SMCO2: variants seen among roughly 807,000 people sequenced by gnomAD.
SMCO2 encodes single-pass membrane protein with coiled-coil domains 2.
Under a neutral mutation model 29.5 loss-of-function variants are expected in SMCO2, and 25 were observed. That is an observed-to-expected ratio of 0.85 (90% CI 0.62 to 1.18). The LOEUF is 1.18. Among genes scored for constraint, SMCO2 ranks in the 50% most tolerant of loss-of-function variants. The pLI is 0.00. For synonymous variants in SMCO2, 117 were observed against 123.3 expected (o/e 0.95, Z 0.34); for missense variants, 348 against 344.5 (o/e 1.01, Z -0.08).
the SMCO2 span, among the ~76,000 whole-genome samples, chr12:27,459,491 G>A: frequency 6.6e-6 from 1 of 152,144 alleles, no homozygotes; most frequent in Non-Finnish European, 1.5e-5. Context: ...TGGGAAGAAG[G>A]TGGGGATCAA....
intron 5 of SMCO2, among the ~76,000 whole-genome samples, chr12:27,488,769 C>A (rs371572): frequency 0.12 from 18,661 of 152,086 alleles, 2,211 homozygotes; most frequent in African/African-American, 0.29. Flanking sequence ...TCGGCTACCA[C>A]GAAACTCTAT....
At chr12:27,465,257 T>G (rs1380359324), upstream of SMCO2, among the ~76,000 whole-genome samples, 1 of 152,150 alleles carries the variant, frequency 6.6e-6, no homozygotes, top group African/African-American at 2.4e-5. Context: ...TGTAAAACAC[T>G]TGGGAGACTG....
chr12:27,481,509 G>A (rs1050486855), intron 4 of SMCO2, among the ~76,000 whole-genome samples: 5 of 152,084 alleles, frequency 3.3e-5, no homozygotes, highest in Non-Finnish European at 4.4e-5. Context: ...GATTTTCCCC[G>A]GACCTGTTTG....
chr12:27,437,739 C>T, the SMCO2 span, among the ~76,000 whole-genome samples: 3 of 152,176 alleles, frequency 2.0e-5, no homozygotes, highest in African/African-American at 7.2e-5. Context: ...TACCAGTTCA[C>T]CTGCATGCGC....
chr12:27,438,884 A>C, the SMCO2 span, among the ~76,000 whole-genome samples: 2 of 152,072 alleles, frequency 1.3e-5, no homozygotes, highest in African/African-American at 4.8e-5. Context: ...CCACAGAGAA[A>C]TGGAAGAACT....
chr12:27,470,416 A>C (rs1221352846), intron 1 of SMCO2, among the ~76,000 whole-genome samples: 7 of 152,130 alleles, frequency 4.6e-5, no homozygotes, highest in African/African-American at 1.7e-4. Flanking sequence ...GTGTCCTTGG[A>C]GACAGCCACA....
intron 4 of SMCO2, chr12:27,475,725 T>G: frequency 6.5e-7 from 1 of 1,545,580 alleles, no homozygotes; most frequent in Non-Finnish European, 8.7e-7. Flanking sequence ...GAAAACACAG[T>G]GAAGAGGTAA....
chr12:27,444,504 A>C, the SMCO2 span, among the ~76,000 whole-genome samples: 1 of 152,212 alleles, frequency 6.6e-6, no homozygotes, highest in Non-Finnish European at 1.5e-5. Context: ...TTGGGATTAC[A>C]TCCAGCTAAA....
At chr12:27,501,806 A>T (rs1943082020) in intron 7 of SMCO2, 117 bp from the exon 9 acceptor site, 3 of 713,344 alleles carry the variant, frequency 4.2e-6, no homozygotes, top group Non-Finnish European at 6.5e-6. Flanking sequence ...TGTAAACTGA[A>T]GTCAAGAGAA....
the SMCO2 span, among the ~76,000 whole-genome samples, chr12:27,450,411 G>A: frequency 6.6e-6 from 1 of 151,636 alleles, no homozygotes; most frequent in African/African-American, 2.4e-5. Context: ...CATTACAAAT[G>A]AATTTTATCA....
chr12:27,470,042 A>C (rs752100296), intron 1 of SMCO2, among the ~76,000 whole-genome samples: 1 of 152,262 alleles, frequency 6.6e-6, no homozygotes, highest in Non-Finnish European at 1.5e-5. Flanking sequence ...TACACTGAAA[A>C]TTACTAAACA....
At chr12:27,479,405 G>A (rs1486750660) in intron 4 of SMCO2, among the ~76,000 whole-genome samples, 2 of 152,198 alleles carry the variant, frequency 1.3e-5, no homozygotes, top group East Asian at 3.8e-4. Context: ...TCCTGAAGGT[G>A]TGTGCAGCTG....
chr12:27,440,055 A>T, the SMCO2 span, among the ~76,000 whole-genome samples: 1 of 152,190 alleles, frequency 6.6e-6, no homozygotes, highest in Non-Finnish European at 1.5e-5. Context: ...TTAATGGTCA[A>T]ATTCCCAAAG....
At chr12:27,495,715 G>A in exon 7 of SMCO2, 1 of 1,529,366 alleles carries the variant, frequency 6.5e-7, no homozygotes, top group Non-Finnish European at 8.8e-7. Flanking sequence ...TGAGTGCAAA[G>A]CTAAGGATGT....
chr12:27,450,941 G>A, the SMCO2 span, among the ~76,000 whole-genome samples: 1 of 152,336 alleles, frequency 6.6e-6, no homozygotes, highest in Non-Finnish European at 1.5e-5. Context: ...CTTGGGAGGA[G>A]TGAAAGAGAA....
At chr12:27,438,575 C>T in the SMCO2 span, among the ~76,000 whole-genome samples, 8 of 152,164 alleles carry the variant, frequency 5.3e-5, no homozygotes, top group Non-Finnish European at 1.2e-4. Flanking sequence ...ACCTGGAAGA[C>T]ATCATTCACT....
At chr12:27,465,028 C>CAAAAAAAAAAAAAAAAAAAA (rs35630976), upstream of SMCO2, among the ~76,000 whole-genome samples, 7 of 60,522 alleles carry the variant, frequency 1.2e-4, no homozygotes, top group East Asian at 4.8e-4. Context: ...GACCCTGTCT[C>CAAAAAAAAAAAAAAAAAAAA]AAAAAAAAAA....
At chr12:27,435,337 G>A in the SMCO2 span, among the ~76,000 whole-genome samples, 1 of 118,712 alleles carries the variant, frequency 8.4e-6, no homozygotes, top group East Asian at 2.4e-4. Context: ...CTGCAGACAG[G>A]GCTGAATGTC....
intron 6 of SMCO2, 89 bp downstream of exon 7, chr12:27,494,445 G>A (rs1041409482): frequency 2.0e-5 from 12 of 605,484 alleles, no homozygotes; most frequent in African/African-American, 1.2e-4. Flanking sequence ...AGAATATGAC[G>A]GTGCACCACA....
Sources: allele counts gnomAD v4.1 joint callset (sites outside exome capture counted in the v4.1 genomes callset), GRCh38; gene constraint gnomAD v4.1.1; transcripts MANE v1.5; gene names NCBI Gene and HGNC (gene_info 2026-07-23, HGNC 2026-07-21).